Variants in PITPNA observed in about 807,000 individuals in gnomAD.
PITPNA encodes phosphatidylinositol transfer protein alpha, also known as phosphatidylinositol transfer protein alpha isoform.
PITPNA carries 13 observed loss-of-function variants against 50.3 expected under a neutral mutation model. That is an observed-to-expected ratio of 0.26 (90% CI 0.17 to 0.41). PITPNA has a LOEUF of 0.41. PITPNA is among the 10% of genes least tolerant of loss of function. The pLI is 1.00. For synonymous variants in PITPNA, 120 were observed against 119.6 expected (o/e 1.00, Z -0.02); for missense variants, 207 against 333.4 (o/e 0.62, Z 2.95).
At chr17:1,527,694 A>G (rs963004369) in intron 10 of PITPNA, among the ~76,000 whole-genome samples, 10 of 152,212 alleles carry the variant, frequency 6.6e-5, no homozygotes, top group Non-Finnish European at 1.0e-4. Flanking sequence ...TTTGACCATT[A>G]AGTATGAAAT....
chr17:1,544,678 C>T (rs1255249494), intron 4 of PITPNA, among the ~76,000 whole-genome samples: 6 of 152,262 alleles, frequency 3.9e-5, no homozygotes, highest in Admixed American at 3.9e-4. Context: ...TGGCTCCCGC[C>T]TGGAATCCCA....
intron 6 of PITPNA, among the ~76,000 whole-genome samples, chr17:1,539,941 T>G (rs1311414508): frequency 1.3e-5 from 2 of 152,254 alleles, no homozygotes; most frequent in African/African-American, 4.8e-5. Context: ...TTCACCATGT[T>G]GGCCAGGCTG....
At chr17:1,556,418 T>G (rs60694034) in intron 2 of PITPNA, among the ~76,000 whole-genome samples, 1 of 152,308 alleles carries the variant, frequency 6.6e-6, no homozygotes, top group East Asian at 1.9e-4. Flanking sequence ...CAACTGTGGA[T>G]GCTCTCAAGG....
rs1228235406 is a variant in PITPNA, at chr17:1,562,201, G to A, written c.20+340C>T. Among the ~76,000 whole-genome samples, 1 of 152,042 alleles carries A rather than the reference G, an allele frequency of 6.6e-6. No individual in the cohort carries two copies. Among genetic ancestry groups the A allele is most frequent in the African/African-American group, 2.4e-5 (1 of 41,404 alleles). ...CCGAGGCCCCCGGGGCGCCTGAGGA[G>A]CCGTCCGCCCGGGTTGTCCCTCCGT... On this transcript the variant is annotated intron_variant, in intron 1 of 11. Coordinates refer to ENST00000313486, the MANE Select transcript of PITPNA (RefSeq NM_006224.4). The surrounding 1 kb of genome is among the most constrained non-coding windows in gnomAD (Gnocchi z 6.4).
chr17:1,547,769 G>A (rs781483666), intron 4 of PITPNA, among the ~76,000 whole-genome samples: 1 of 152,020 alleles, frequency 6.6e-6, no homozygotes, highest in Non-Finnish European at 1.5e-5. Context: ...CAAGGTGGGC[G>A]GATAACCTGA....
In PITPNA at chr17:1,527,891, A is replaced by T. The variant is rs2075557261; in HGVS notation, c.768+6208T>A. On this transcript the variant is annotated intron_variant, in intron 10 of 11. Coordinates refer to ENST00000313486, the MANE Select transcript of PITPNA (RefSeq NM_006224.4). ...TTCAAAATAAAAGGTTCGGTGCAGAAATGAAGCTGGCTGGGTGTGTTGGCC... is the reference window on the plus strand; with the variant it reads ...TTCAAAATAAAAGGTTCGGTGCAGATATGAAGCTGGCTGGGTGTGTTGGCC... Among the ~76,000 whole-genome samples the T allele has an allele frequency of 2.0e-5, 3 of 152,230 alleles. No homozygotes were observed. In the South Asian group the frequency reaches 6.2e-4, roughly 31 times the overall value.
intron 2 of PITPNA, 103 bp from the exon 3 acceptor site, chr17:1,553,252 C>A: frequency 7.8e-7 from 1 of 1,289,446 alleles, no homozygotes; most frequent in Non-Finnish European, 1.1e-6. Flanking sequence ...CTGGGGTCTC[C>A]TCATGCAGGA....
At chr17:1,547,196 C>CAAA (rs758159456) in intron 4 of PITPNA, among the ~76,000 whole-genome samples, 1 of 62,952 alleles carries the variant, frequency 1.6e-5, no homozygotes, top group South Asian at 6.5e-4. Context: ...CCCATCTCTC[C>CAAA]AAAAAAAAAA....
chr17:1,534,908 C>T (rs911525896), intron 9 of PITPNA, among the ~76,000 whole-genome samples: 4 of 152,258 alleles, frequency 2.6e-5, no homozygotes, highest in Non-Finnish European at 5.9e-5. Flanking sequence ...GTGAGGTATG[C>T]TCATGTTGGC....
intron 2 of PITPNA, among the ~76,000 whole-genome samples, chr17:1,558,123 T>C (rs192182762): frequency 9.6e-4 from 144 of 149,600 alleles, no homozygotes; most frequent in African/African-American, 3.4e-3. Context: ...CCCGGCTACT[T>C]GGGAGGCTGA....
At chr17:1,544,539 A>C (rs2151009975) in intron 4 of PITPNA, among the ~76,000 whole-genome samples, 1 of 152,336 alleles carries the variant, frequency 6.6e-6, no homozygotes, top group East Asian at 1.9e-4. Context: ...GCATTCCAGT[A>C]TTCCCTGTTG....
chr17:1,540,403 C>A (rs970370453), intron 6 of PITPNA, among the ~76,000 whole-genome samples: 2 of 152,124 alleles, frequency 1.3e-5, no homozygotes, highest in Admixed American at 6.6e-5. Context: ...ATACAAACAT[C>A]CATGTGCGTG....
At chr17:1,545,845 C>A (rs1007358386) in intron 4 of PITPNA, among the ~76,000 whole-genome samples, 3 of 151,048 alleles carry the variant, frequency 2.0e-5, no homozygotes, top group African/African-American at 7.3e-5. Context: ...ATGCTCACTG[C>A]GACTCTCTTA....
At chr17:1,525,409 T>C (rs956675355) in intron 10 of PITPNA, among the ~76,000 whole-genome samples, 1 of 151,878 alleles carries the variant, frequency 6.6e-6, no homozygotes, top group East Asian at 1.9e-4. Context: ...TTTTAAGCCA[T>C]AGCCCACTTC....
chr17:1,543,303 T>C (rs1394309990), intron 4 of PITPNA, among the ~76,000 whole-genome samples: 1 of 152,174 alleles, frequency 6.6e-6, no homozygotes, highest in Non-Finnish European at 1.5e-5. Context: ...AGCAGGGCAC[T>C]GACAGGGACC....
rs559190924 is a variant in PITPNA, at chr17:1,522,943, G to C, written c.769-1298C>G. ...AGGGAGAAAATCCTGTGGCTCTCCG[G>C]GAGAGGAGTTCCCGGCAGAGTAACA... On this transcript the variant is annotated intron_variant, in intron 10 of 11. Coordinates refer to ENST00000313486, the MANE Select transcript of PITPNA (RefSeq NM_006224.4). Among the ~76,000 whole-genome samples the C allele has an allele frequency of 1.6e-4, 25 of 152,318 alleles. No homozygotes were observed. In the South Asian group the frequency reaches 4.8e-3, roughly 29 times the overall value.
intron 10 of PITPNA, 100 bp downstream of exon 10, chr17:1,533,999 A>G (rs1315361480): frequency 7.2e-7 from 1 of 1,392,052 alleles, no homozygotes; most frequent in African/African-American, 1.4e-5. Context: ...ACGTGTTCCC[A>G]GAACTACAGG....
intron 7 of PITPNA, 26 bp downstream of exon 7, chr17:1,538,843 C>A (rs765560302): frequency 6.7e-7 from 1 of 1,489,022 alleles, no homozygotes; most frequent in Admixed American, 1.7e-5. Flanking sequence ...TCTCGAAGGC[C>A]ACCCACGTCT....
chr17:1,531,273 AG>A (rs2075581234), intron 10 of PITPNA, among the ~76,000 whole-genome samples: 1 of 152,076 alleles, frequency 6.6e-6, no homozygotes, highest in Non-Finnish European at 1.5e-5. Flanking sequence ...AGTCCTCTAT[AG>A]GGAAAGTGAC....
Sources: allele counts gnomAD v4.1 joint callset (sites outside exome capture counted in the v4.1 genomes callset), GRCh38; gene constraint gnomAD v4.1.1; non-coding constraint Gnocchi (gnomAD v3.1); transcripts MANE v1.5; gene names NCBI Gene and HGNC (gene_info 2026-07-23, HGNC 2026-07-21).